The following SCARF1 variants were observed in gnomAD, a reference collection of about 807,000 sequenced individuals.
SCARF1 encodes the protein acetyl LDL receptor.
SCARF1 carries 49 observed loss-of-function variants against 76.3 expected under a neutral mutation model. The ratio of observed to expected loss-of-function variants is 0.64; its 90% CI spans 0.51 to 0.81. The LOEUF is 0.81. Ranked by LOEUF, SCARF1 falls within the 40% of genes least tolerant of loss-of-function variation. SCARF1 has a pLI of 0.00. For synonymous variants in SCARF1, 495 were observed against 474.6 expected (o/e 1.04, Z -0.56); for missense variants, 1,098 against 1,143.9 (o/e 0.96, Z 0.58).
chr17:1,634,644 T>C lies in SCARF1; in HGVS notation c.*114A>G, dbSNP rs1909360541. 3 of 1,423,076 alleles carry C rather than the reference T, an allele frequency of 2.1e-6. No homozygotes were observed. The highest frequency in any genetic ancestry group is 1.4e-5 in the African/African-American group (1 of 69,666). 88.2% of individuals were successfully genotyped at this position (1,423,076 alleles called of 1,614,324 possible). ...GCCAACTGGCCTGGAAGCCTTGCCT[T>C]TTCCCTGTGGAGGCGCAGAGGCTCT... On this transcript the variant is annotated 3_prime_UTR_variant, in exon 11 of 11. Coordinates refer to ENST00000263071, the MANE Select transcript of SCARF1 (RefSeq NM_003693.4).
intron 10 of SCARF1, among the ~76,000 whole-genome samples, chr17:1,636,449 ACTAAAATATAAAAATTAGCCGTGT>A (rs1909565448): frequency 6.6e-6 from 1 of 151,982 alleles, no homozygotes; most frequent in Non-Finnish European, 1.5e-5. Flanking sequence ...CCCGGTCTCT[ACTAAAATATAAAAATTAGCCGTGT>A]GTGGTGGTGC....
rs548207284 is a variant in SCARF1 at position 1,644,029 on chromosome 17, C to A, written c.266-62G>T. On this transcript the variant is annotated intron_variant, in intron 3 of 10. Transcript: ENST00000263071. The surrounding 1 kb of genome is among the most constrained non-coding windows in gnomAD (Gnocchi z 4.8). Reference sequence around the variant, plus strand: ...GGGCCGCGCGCAGACCCTTACCCTGCGTCCCCTTCCTCAAGGAAAAGGGGC... The same window carrying A: ...GGGCCGCGCGCAGACCCTTACCCTGAGTCCCCTTCCTCAAGGAAAAGGGGC... 17 of 1,213,350 alleles carry A rather than the reference C, an allele frequency of 1.4e-5. No homozygotes were observed. The South Asian group carries it at 4.8e-4, about 34-fold the overall frequency. The allele number at this position is 1,213,350 out of a possible 1,614,324, so 75.2% of individuals were successfully genotyped here. A position where few individuals can be genotyped will look rare whatever the true frequency, so the allele number is the denominator to read the frequency against.
In SCARF1 at chr17:1,640,699, G is replaced by C. The variant is rs1430441492; in HGVS notation, c.792-33C>G. 1 of 1,588,932 alleles carries C rather than the reference G, an allele frequency of 6.3e-7. No individual in the cohort carries two copies. Among genetic ancestry groups the C allele is most frequent in the Non-Finnish European group, 8.6e-7 (1 of 1,163,776 alleles). On this transcript the variant is annotated intron_variant, in intron 4 of 10. Transcript: ENST00000263071. The surrounding 1 kb of genome is among the most constrained non-coding windows in gnomAD (Gnocchi z 4.7). ...GAGAAGGGCTTCGTGGGAACAGTGG[G>C]GGTGGATGGATGGAGCGCCCACCCC...
At chr17:1,642,001 C>T (rs1910089982) in intron 4 of SCARF1, among the ~76,000 whole-genome samples, 2 of 152,098 alleles carry the variant, frequency 1.3e-5, no homozygotes, top group African/African-American at 2.4e-5. Context: ...GGATTACAGG[C>T]GTGAGCCACC....
In SCARF1 at chr17:1,645,511, G is replaced by A. The variant is rs1375344002; in HGVS notation, c.101+86C>T. On this transcript the variant is annotated intron_variant, in intron 1 of 10. Coordinates refer to ENST00000263071, the MANE Select transcript of SCARF1 (RefSeq NM_003693.4). The surrounding 1 kb of genome is among the most constrained non-coding windows in gnomAD (Gnocchi z 6.3). Reference sequence around the variant, plus strand: ...TTCCTAGTCTCCTCCTTCCCCTAACGGCCTCAACACCGGTTCAGCCACCCG... The same window carrying A: ...TTCCTAGTCTCCTCCTTCCCCTAACAGCCTCAACACCGGTTCAGCCACCCG... 10 of 1,542,554 alleles carry A rather than the reference G, an allele frequency of 6.5e-6. No homozygotes were observed. The highest frequency in any genetic ancestry group is 4.8e-5 in the East Asian group (2 of 41,360).
Position 1,639,990 on chromosome 17 carries a change from G to T in SCARF1, c.1061C>A (p.Thr354Asn), listed in dbSNP as rs774527493. 1.2e-6 allele frequency: 2 copies of T among 1,614,024 alleles called. No individual in the cohort carries two copies. Among genetic ancestry groups the T allele is most frequent in the Non-Finnish European group, 8.5e-7 (1 of 1,179,974 alleles). ...TGTFGEDCGS[T>N]CPTCVQGSCD... ...GGACCCCTGAACACAGGTGGGGCAG[G>T]TAGAGCCACAGTCTTCCCCAAAGGT... Residue 354 changes from threonine (T) to asparagine (N), a missense_variant, in exon 6 of 11, where the codon ACC becomes AAC. Coordinates refer to ENST00000263071, the MANE Select transcript of SCARF1 (RefSeq NM_003693.4).
rs751458003 is a variant in SCARF1 at position 1,640,407 on chromosome 17, G to A, written c.1010+41C>T. ...GAGAGCCGCTGAGCTGAGGGTCCTGGGGGAAGGTGTACCCCACCCTGAACA... is the reference window on the plus strand; with the variant it reads ...GAGAGCCGCTGAGCTGAGGGTCCTGAGGGAAGGTGTACCCCACCCTGAACA... On this transcript the variant is annotated intron_variant, in intron 5 of 10. Coordinates refer to ENST00000263071, the MANE Select transcript of SCARF1 (RefSeq NM_003693.4). This position sits in a 1 kb window ranked among gnomAD's most constrained non-coding sequence, Gnocchi z 4.7. The A allele has an allele frequency of 2.7e-4, 401 of 1,509,886 alleles. No homozygotes were observed. Among genetic ancestry groups the A allele is most frequent in the Non-Finnish European group, 3.5e-4 (386 of 1,113,710 alleles). 93.5% of individuals were successfully genotyped at this position (1,509,886 alleles called of 1,614,324 possible).
intron 4 of SCARF1, among the ~76,000 whole-genome samples, chr17:1,641,870 C>G (rs1182986174): frequency 1.3e-5 from 2 of 152,120 alleles, no homozygotes; most frequent in African/African-American, 4.8e-5. Context: ...TACAGGCGCC[C>G]AACACCATGC....
At position 1,644,938 on chromosome 17, in the gene SCARF1, G is replaced by A; in HGVS notation, c.164-3C>T. 6.2e-7 allele frequency: 1 copy of A among 1,612,468 alleles called. No homozygotes were observed. Among genetic ancestry groups the A allele is most frequent in the Non-Finnish European group, 8.5e-7 (1 of 1,179,594 alleles). On this transcript the variant is annotated splice_region_variant and splice_polypyrimidine_tract_variant and intron_variant, in intron 2 of 10. Transcript: ENST00000263071. This position sits in a 1 kb window ranked among gnomAD's most constrained non-coding sequence, Gnocchi z 4.8. The stretch of plus-strand genomic sequence containing the variant: ...GGCGTCCGGCCCCTCACAGATGGCT[G>A]AAAGACACCCCACCCAGGTTGGAAA...
chr17:1,639,579 C>T, intron 7 of SCARF1, 60 bp downstream of exon 7: 1 of 1,189,432 alleles, frequency 8.4e-7, no homozygotes, highest in Non-Finnish European at 1.2e-6. Flanking sequence ...TGCCCTGGAG[C>T]CCATGTGAAG....
intron 7 of SCARF1, among the ~76,000 whole-genome samples, chr17:1,639,138 C>T (rs1909832884): frequency 6.6e-6 from 1 of 152,216 alleles, no homozygotes; most frequent in African/African-American, 2.4e-5. Flanking sequence ...CGGCTCTAGC[C>T]TGGTTTCGCA....
chr17:1,635,318 CG>C lies in SCARF1; in HGVS notation c.1932del (p.Glu645SerfsTer44). 1 of 1,612,484 alleles carries C rather than the reference CG, an allele frequency of 6.2e-7. No homozygotes were observed. The highest frequency in any genetic ancestry group is 8.5e-7 in the Non-Finnish European group (1 of 1,179,356). On this transcript the variant is annotated frameshift_variant, in exon 11 of 11. Coordinates refer to ENST00000263071, the MANE Select transcript of SCARF1 (RefSeq NM_003693.4). LOFTEE classifies it low-confidence loss of function (END_TRUNC). ...GGACTGGCAGCCGCCGGAAAGGACT[CG>C]GGGGCTTCTGCTTCCTCTGGGCCTG... Reference protein sequence around the residue: ...ESTGPEEAEAPESFPAAASPG... With the variant: ...ESTGPEEAEAXESFPAAASPG...
rs560394904 is a variant in SCARF1, at chr17:1,637,330, A to G, written c.1365-268T>C. ...TTTCCGCATCTGTAAAACAGATCCT[A>G]TCTATCTATCTATCTATCTATCTAT... On this transcript the variant is annotated intron_variant, in intron 8 of 10. Transcript: ENST00000263071. Among the ~76,000 whole-genome samples the G allele has an allele frequency of 1.6e-4, 7 of 43,004 alleles. No individual in the cohort carries two copies. In the East Asian group the frequency reaches 2.7e-3, roughly 17 times the overall value. 28.2% of individuals were successfully genotyped at this position (43,004 alleles called of 152,430 possible).
At position 1,640,378 on chromosome 17, in the gene SCARF1, C is replaced by T. The variant is rs551292209; in HGVS notation, c.1010+70G>A. ...TGTGTGTCGGGGAGGGTGGTGCTCT[C>T]GGAGAGAGCCGCTGAGCTGAGGGTC... On this transcript the variant is annotated intron_variant, in intron 5 of 10. Coordinates refer to ENST00000263071, the MANE Select transcript of SCARF1 (RefSeq NM_003693.4). The surrounding 1 kb of genome is among the most constrained non-coding windows in gnomAD (Gnocchi z 4.7). 75 of 1,389,762 alleles carry T rather than the reference C, an allele frequency of 5.4e-5. 1 individual carries two copies. The highest frequency in any genetic ancestry group is 4.7e-4 in the South Asian group (36 of 77,192). The allele number at this position is 1,389,762 out of a possible 1,614,324, so 86.1% of individuals were successfully genotyped here. A position where few individuals can be genotyped will look rare whatever the true frequency, so the allele number is the denominator to read the frequency against.
Position 1,640,548 on chromosome 17 carries a change from C to T in SCARF1, c.910G>A (p.Glu304Lys), listed in dbSNP as rs35403201. 8.8e-4 allele frequency: 1,417 copies of T among 1,607,396 alleles called. 14 individuals are homozygous for T. In the African/African-American group the frequency reaches 0.017, roughly 19 times the overall value. ...TGAGGGCACTGCTGTTCGCAGCTCT[C>T]GCCAAAGGTGCCAGGCAGGCAGGGC... ...QQPCLPGTFG[E>K]SCEQQCPHCR... The change falls in exon 5 of 11, where the codon GAG becomes AAG. Residue 304 changes from glutamate to lysine, a missense_variant. Glu to Lys is a moderately conservative substitution (Grantham distance 56). Transcript: ENST00000263071. This position sits in a 1 kb window ranked among gnomAD's most constrained non-coding sequence, Gnocchi z 4.7.
rs1386890180 is a variant in SCARF1 at position 1,643,582 on chromosome 17, G to C, written c.651C>G (p.Pro217=). 3.3e-5 allele frequency: 48 copies of C among 1,475,196 alleles called. No homozygotes were observed. The highest frequency in any genetic ancestry group is 3.9e-5 in the Non-Finnish European group (44 of 1,120,886). 91.4% of individuals were successfully genotyped at this position (1,475,196 alleles called of 1,614,324 possible). A position where few individuals can be genotyped will look rare whatever the true frequency, so the allele number is the denominator to read the frequency against. The change falls in exon 4 of 11, where the codon CCC becomes CCG. Residue 217 remains proline (P), a synonymous_variant. Coordinates refer to ENST00000263071, the MANE Select transcript of SCARF1 (RefSeq NM_003693.4). ...CACACTCGCACTGCTGCTGGCATTC[G>C]GGACCCCACCAGCCCGGCCGGCAGG... The part of the protein sequence containing the change: ...RCACRPGWWG[P]ECQQQCECVR...
Position 1,636,795 on chromosome 17 carries a change from C to A in SCARF1, c.1547G>T (p.Gly516Val). ...NHSFIEPPSA[G>V]WATDDSFSSD... The stretch of plus-strand genomic sequence containing the variant: ...TGAGAAGGAGTCATCAGTGGCCCAG[C>A]CGGCAGAGGGCGGCTCGATGAAGCT... Residue 516 changes from glycine (G) to valine (V), a missense_variant, in exon 10 of 11, where the codon GGC (glycine) becomes GTC (valine). Coordinates refer to ENST00000263071, the MANE Select transcript of SCARF1 (RefSeq NM_003693.4). 6.2e-7 allele frequency: 1 copy of A among 1,613,964 alleles called. No individual in the cohort carries two copies. The highest frequency in any genetic ancestry group is 8.5e-7 in the Non-Finnish European group (1 of 1,179,988).
Position 1,645,724 on chromosome 17 carries a change from GGTTC to G in SCARF1, c.-31_-28del. The G allele has an allele frequency of 6.4e-7, 1 of 1,567,308 alleles. No homozygotes were observed. Among genetic ancestry groups the G allele is most frequent in the Non-Finnish European group, 8.6e-7 (1 of 1,160,832 alleles). On this transcript the variant is annotated 5_prime_UTR_variant, in exon 1 of 11. Coordinates refer to ENST00000263071, the MANE Select transcript of SCARF1 (RefSeq NM_003693.4). The surrounding 1 kb of genome is among the most constrained non-coding windows in gnomAD (Gnocchi z 6.3). ...GCAGGCAGCTCGGTGGGAGCGCTCG[GGTTC>G]GTCTGGCCCCCACAGCTCCCAACCC...
Position 1,639,661 on chromosome 17 carries a change from A to C in SCARF1, c.1221T>G (p.Pro407=). The C allele has an allele frequency of 1.9e-6, 3 of 1,574,632 alleles. No individual in the cohort carries two copies. The highest frequency in any genetic ancestry group is 2.3e-5 in the South Asian group (2 of 85,838). ...TACCTGGCTGGCAGGACCCAGAGAC[A>C]GGGTGGCAGAGTCCCTCTGGGCATT... ...PCECPEGLCH[P]VSGSCQPGSG... The change falls in exon 7 of 11, where the codon CCT becomes CCG. Residue 407 remains proline (P), a synonymous_variant. Coordinates refer to ENST00000263071, the MANE Select transcript of SCARF1 (RefSeq NM_003693.4).
Sources: gnomAD v4.1 joint callset for allele counts (sites outside exome capture counted in the v4.1 genomes callset) on GRCh38, gnomAD v4.1.1 for gene constraint, Gnocchi (gnomAD v3.1) non-coding constraint, MANE v1.5 for transcripts, NCBI Gene and HGNC (gene_info 2026-07-23, HGNC 2026-07-21) for gene names.